Variants in KLF12 observed in about 807,000 individuals in gnomAD.
KLF12 encodes KLF transcription factor 12, also known as Krueppel-like factor 12.
Under a neutral mutation model 37.8 loss-of-function variants are expected in KLF12, and 9 were observed. That is an observed-to-expected ratio of 0.24 (90% CI 0.14 to 0.42). The LOEUF (loss-of-function observed/expected upper bound fraction) is 0.42, where lower values mean the gene tolerates loss of function less well. Ranked by LOEUF, KLF12 falls within the 10% of genes least tolerant of loss-of-function variation. The probability of loss-of-function intolerance (pLI) is 1.00; values close to 1 mark genes in which losing one functional copy is unlikely to be tolerated. For missense variants in KLF12, 411 were observed against 516.0 expected, an observed-to-expected ratio of 0.80 and a Z score of 1.97; for synonymous variants, 208 against 202.1, an observed-to-expected ratio of 1.03 and a Z score of -0.25.
chr13:74,270,876 T>C, the KLF12 span, among the ~76,000 whole-genome samples: 1 of 152,148 alleles, frequency 6.6e-6, no homozygotes, highest in Non-Finnish European at 1.5e-5. Flanking sequence ...GGCTTTCCCA[T>C]CAATTCTGTG....
intron 3 of KLF12, 71 bp downstream of exon 3, chr13:73,943,910 C>T (rs1890302451): frequency 1.1e-6 from 1 of 938,784 alleles, no homozygotes; most frequent in East Asian, 2.4e-5. Flanking sequence ...CTCTGCAAAC[C>T]TCAGGATGCT....
the KLF12 span, among the ~76,000 whole-genome samples, chr13:74,242,882 G>A: frequency 6.6e-6 from 1 of 152,150 alleles, no homozygotes; most frequent in Non-Finnish European, 1.5e-5. Flanking sequence ...CGGGGAAGTT[G>A]CCTCTCACTG....
chr13:73,885,883 G>A (rs925823076), intron 3 of KLF12, among the ~76,000 whole-genome samples: 1 of 152,138 alleles, frequency 6.6e-6, no homozygotes, highest in African/African-American at 2.4e-5. Flanking sequence ...CCAGATAAAA[G>A]GCATTTTTAG....
At chr13:73,918,854 T>G (rs1034453179) in intron 3 of KLF12, among the ~76,000 whole-genome samples, 1 of 152,190 alleles carries the variant, frequency 6.6e-6, no homozygotes, top group African/African-American at 2.4e-5. Context: ...TTAGACTCTT[T>G]AATGTTGCTC....
At chr13:73,698,466 C>G (rs903664599) in intron 7 of KLF12, among the ~76,000 whole-genome samples, 2 of 152,088 alleles carry the variant, frequency 1.3e-5, no homozygotes, top group Admixed American at 6.5e-5. Flanking sequence ...TAAAATGATA[C>G]CAGTCATACT....
chr13:74,262,941 T>C, the KLF12 span, among the ~76,000 whole-genome samples: 1 of 152,196 alleles, frequency 6.6e-6, no homozygotes, highest in South Asian at 2.1e-4. Context: ...GTCAGTGTGC[T>C]TAATTCTCAA....
chr13:73,887,605 T>C (rs1887292599), intron 3 of KLF12, among the ~76,000 whole-genome samples: 2 of 152,172 alleles, frequency 1.3e-5, no homozygotes, highest in Non-Finnish European at 2.9e-5. Flanking sequence ...CAATTAAACC[T>C]CTTTTCTTTA....
chr13:74,288,401 G>C, the KLF12 span, among the ~76,000 whole-genome samples: 1 of 152,132 alleles, frequency 6.6e-6, no homozygotes, highest in Non-Finnish European at 1.5e-5. Context: ...GCGAGGTAAC[G>C]GGGTAAAACA....
chr13:73,827,728 A>T (rs7983962), intron 4 of KLF12, among the ~76,000 whole-genome samples: 38,310 of 151,726 alleles, frequency 0.25, 4,987 homozygotes, highest in East Asian at 0.48. Context: ...ATGCTCGGCT[A>T]ATTTTTGTAT....
intron 1 of KLF12, among the ~76,000 whole-genome samples, chr13:74,005,783 A>G (rs1196245263): frequency 6.6e-6 from 1 of 152,244 alleles, no homozygotes; most frequent in Non-Finnish European, 1.5e-5. Context: ...TCCAAAACAT[A>G]CAAATTTCCT....
chr13:74,193,121 G>A, the KLF12 span, among the ~76,000 whole-genome samples: 1 of 151,890 alleles, frequency 6.6e-6, no homozygotes, highest in Admixed American at 6.6e-5. Context: ...TGGGATTACA[G>A]GTGCCTGCTA....
chr13:73,755,563 A>G (rs750441197), intron 6 of KLF12, among the ~76,000 whole-genome samples: 4 of 152,132 alleles, frequency 2.6e-5, no homozygotes, highest in Non-Finnish European at 5.9e-5. Flanking sequence ...TTCCTTTTAC[A>G]TAAAGTTGAA....
chr13:73,842,810 T>C (rs1334726674), intron 4 of KLF12, among the ~76,000 whole-genome samples: 1 of 152,194 alleles, frequency 6.6e-6, no homozygotes, highest in East Asian at 1.9e-4. Flanking sequence ...CTCTCAGCCT[T>C]CACTACTGGC....
chr13:73,780,714 G>A (rs575295100), intron 5 of KLF12, among the ~76,000 whole-genome samples: 53 of 152,210 alleles, frequency 3.5e-4, no homozygotes, highest in African/African-American at 9.9e-4. Flanking sequence ...TGCCTGCCTC[G>A]GCCTCCCAAA....
At chr13:74,153,614 T>C in the KLF12 span, among the ~76,000 whole-genome samples, 2 of 152,200 alleles carry the variant, frequency 1.3e-5, no homozygotes, top group Non-Finnish European at 2.9e-5. Flanking sequence ...TACACTCATA[T>C]TAAGAATCTC....
intron 1 of KLF12, among the ~76,000 whole-genome samples, chr13:74,114,664 AT>A (rs1451422473): frequency 6.6e-6 from 1 of 152,186 alleles, no homozygotes; most frequent in Non-Finnish European, 1.5e-5. Flanking sequence ...AAAATCTGAG[AT>A]ATGGCAGCAT....
At chr13:73,887,478 C>T (rs1887287285) in intron 3 of KLF12, among the ~76,000 whole-genome samples, 1 of 152,134 alleles carries the variant, frequency 6.6e-6, no homozygotes, top group Admixed American at 6.5e-5. Context: ...CTCTCTCTTG[C>T]TCCTGCTCAC....
In KLF12 at chr13:73,803,719, A is replaced by C. The variant is rs142480210; in HGVS notation, c.806+9433T>G. Among the ~76,000 whole-genome samples the C allele has an allele frequency of 5.9e-3, 900 of 151,544 alleles. 12 individuals carry two copies. Among genetic ancestry groups the C allele is most frequent in the African/African-American group, 0.021 (859 of 41,314 alleles). On this transcript the variant is annotated intron_variant, in intron 5 of 7. Transcript: ENST00000377669. ...ATACAGTGCTAGCTCTGGAGACACA[A>C]AGAAGGCTAGGACATGTTATCTGTC...
At chr13:73,959,740 A>G (rs996658138) in intron 2 of KLF12, among the ~76,000 whole-genome samples, 2 of 152,100 alleles carry the variant, frequency 1.3e-5, no homozygotes, top group Non-Finnish European at 2.9e-5. Flanking sequence ...ACATTTTAGG[A>G]ACCTTATTTC....
Sources: allele counts gnomAD v4.1 joint callset (sites outside exome capture counted in the v4.1 genomes callset), GRCh38; gene constraint gnomAD v4.1.1; transcripts MANE v1.5; gene names NCBI Gene and HGNC (gene_info 2026-07-23, HGNC 2026-07-21).